Variants in ERBIN observed in about 807,000 individuals in gnomAD.
ERBIN encodes densin-180-like protein.
Under a neutral mutation model 158.4 loss-of-function variants are expected in ERBIN, and 60 were observed. That is an observed-to-expected ratio of 0.38 (90% CI 0.31 to 0.47). The LOEUF is 0.47. Among genes scored for constraint, ERBIN ranks in the 20% least tolerant of loss-of-function variants. The pLI is 0.99. For missense variants in ERBIN, 1,610 were observed against 1,648.0 expected (o/e 0.98, Z 0.40); for synonymous variants, 594 against 557.2 (o/e 1.07, Z -0.93).
intron 1 of ERBIN, among the ~76,000 whole-genome samples, chr5:65,964,970 A>T (rs2548471): frequency 0.81 from 97,103 of 119,490 alleles, 39,247 homozygotes; most frequent in Non-Finnish European, 0.87. Flanking sequence ...TTTTTTTTTT[A>T]AGTAGAGATG....
At chr5:65,982,457 C>CT (rs1189200524) in intron 1 of ERBIN, among the ~76,000 whole-genome samples, 11 of 152,176 alleles carry the variant, frequency 7.2e-5, no homozygotes, top group Non-Finnish European at 1.5e-4. Flanking sequence ...GGAGAATTGT[C>CT]TTTCAACCCA....
intron 7 of ERBIN, among the ~76,000 whole-genome samples, chr5:66,018,475 A>ATATAT (rs1755104975): frequency 2.2e-4 from 1 of 4,566 alleles, no homozygotes; most frequent in African/African-American, 7.1e-4. Context: ...AATATATATT[A>ATATAT]TATATTATAT....
intron 21 of ERBIN, among the ~76,000 whole-genome samples, chr5:66,057,334 T>C (rs1180689885): frequency 6.6e-6 from 1 of 152,164 alleles, no homozygotes; most frequent in African/African-American, 2.4e-5. Flanking sequence ...CTGACACATA[T>C]AACTAACTGC....
In ERBIN at chr5:66,080,066, C is replaced by A. The variant is rs1025681659; in HGVS notation, c.*1536C>A. The A allele has an allele frequency of 5.3e-5, 8 of 152,174 alleles. No individual in the cohort carries two copies. Among genetic ancestry groups the A allele is most frequent in the Non-Finnish European group, 1.2e-4 (8 of 67,980 alleles). The allele number at this position is 152,174 out of a possible 1,614,324, so 9.4% of individuals were successfully genotyped here. A position where few individuals can be genotyped will look rare whatever the true frequency, so the allele number is the denominator to read the frequency against. On this transcript the variant is annotated 3_prime_UTR_variant, in exon 26 of 26. Transcript: ENST00000284037. ...AGAGCAATATTTGGTTATTGCACTT[C>A]ATTTTTATTTACTAAGAAATGCAAT...
intron 20 of ERBIN, among the ~76,000 whole-genome samples, chr5:66,051,661 G>A (rs1255326793): frequency 1.3e-5 from 2 of 152,168 alleles, no homozygotes; most frequent in Non-Finnish European, 2.9e-5. Flanking sequence ...GGAGGCTGCG[G>A]CAGGTGGATG....
At chr5:66,006,019 T>C (rs1314481672) in intron 4 of ERBIN, among the ~76,000 whole-genome samples, 4 of 152,162 alleles carry the variant, frequency 2.6e-5, no homozygotes, top group African/African-American at 9.7e-5. Flanking sequence ...TACCAATGAC[T>C]TTCTTCACAG....
chr5:66,064,328 A>G (rs1031117513), intron 21 of ERBIN, among the ~76,000 whole-genome samples: 4 of 152,230 alleles, frequency 2.6e-5, no homozygotes, highest in Admixed American at 1.3e-4. Flanking sequence ...AAGTATGAAT[A>G]TTAGAAAGTC....
intron 1 of ERBIN, among the ~76,000 whole-genome samples, chr5:65,952,077 G>A (rs1372367697): frequency 2.0e-5 from 3 of 152,180 alleles, no homozygotes; most frequent in Non-Finnish European, 2.9e-5. Flanking sequence ...TGTTCTGTGG[G>A]ATGACTGCCA....
intron 7 of ERBIN, among the ~76,000 whole-genome samples, chr5:66,016,034 T>C (rs761341717): frequency 1.8e-4 from 27 of 152,330 alleles, no homozygotes; most frequent in Middle Eastern, 3.4e-3. Context: ...TGTATGTGCA[T>C]GTGTATCTTC....
chr5:65,983,954 GGTAGA>G (rs1750932473), intron 1 of ERBIN, among the ~76,000 whole-genome samples: 2 of 152,236 alleles, frequency 1.3e-5, no homozygotes, highest in Non-Finnish European at 2.9e-5. Flanking sequence ...GTGCACATGT[GGTAGA>G]TGCCAGTGCA....
At chr5:65,987,543 C>T (rs556463298) in intron 1 of ERBIN, among the ~76,000 whole-genome samples, 1 of 152,132 alleles carries the variant, frequency 6.6e-6, no homozygotes, top group East Asian at 1.9e-4. Context: ...GCCTGGGTGA[C>T]AGAGCAAGAC....
intron 21 of ERBIN, among the ~76,000 whole-genome samples, chr5:66,065,101 G>A (rs1044041549): frequency 6.6e-6 from 1 of 152,144 alleles, no homozygotes; most frequent in Non-Finnish European, 1.5e-5. Flanking sequence ...AGTTGGTTTT[G>A]AATATATTGA....
chr5:65,944,917 C>T (rs747931754), intron 1 of ERBIN, among the ~76,000 whole-genome samples: 2 of 152,042 alleles, frequency 1.3e-5, no homozygotes, highest in African/African-American at 2.4e-5. Context: ...CTCCCATTCT[C>T]TGGGTTTTAT....
At chr5:66,005,110 G>A (rs1039027325) in intron 4 of ERBIN, among the ~76,000 whole-genome samples, 1 of 152,054 alleles carries the variant, frequency 6.6e-6, no homozygotes, top group African/African-American at 2.4e-5. Flanking sequence ...AGGAACTGTG[G>A]GCATGTGGGT....
Position 65,958,410 on chromosome 5 carries a change from G to A in ERBIN, c.-57-30225G>A, listed in dbSNP as rs1353913087. Among the ~76,000 whole-genome samples, 7 of 152,352 alleles carry A rather than the reference G, an allele frequency of 4.6e-5. No homozygotes were observed. The South Asian group carries it at 1.2e-3, about 27-fold the overall frequency. ...GAGGCTGGCAGATCACTCGCGGTTA[G>A]GAGCTGGAGACCAGCCCGGCCAACA... On this transcript the variant is annotated intron_variant, in intron 1 of 25. Transcript: ENST00000284037.
At chr5:65,934,185 C>T (rs775030264) in intron 1 of ERBIN, among the ~76,000 whole-genome samples, 17 of 152,168 alleles carry the variant, frequency 1.1e-4, no homozygotes, top group South Asian at 4.1e-4. Flanking sequence ...CGTGAGCCAC[C>T]GCGCCCAGCC....
chr5:66,012,207 A>T lies in ERBIN; in HGVS notation c.386+80A>T, dbSNP rs539241871. 4 of 940,604 alleles carry T rather than the reference A, an allele frequency of 4.3e-6. No individual in the cohort carries two copies. In the African/African-American group the frequency reaches 6.7e-5, roughly 16 times the overall value. The allele number at this position is 940,604 out of a possible 1,614,324, so 58.3% of individuals were successfully genotyped here. A position where few individuals can be genotyped will look rare whatever the true frequency, so the allele number is the denominator to read the frequency against. On this transcript the variant is annotated intron_variant, in intron 5 of 25. Transcript: ENST00000284037. Reference sequence around the variant, plus strand: ...TAGTAGATATTATTGTACATATTTTAACAAAAATTTTATATCAATCTTAAG... The same window carrying T: ...TAGTAGATATTATTGTACATATTTTTACAAAAATTTTATATCAATCTTAAG...
At chr5:65,939,608 A>G (rs1238245874) in intron 1 of ERBIN, among the ~76,000 whole-genome samples, 1 of 151,596 alleles carries the variant, frequency 6.6e-6, no homozygotes, top group Non-Finnish European at 1.5e-5. Context: ...CCGAAGCTGG[A>G]CTGTACTGCT....
chr5:66,073,816 G>A (rs2151303228), intron 22 of ERBIN, among the ~76,000 whole-genome samples: 1 of 152,114 alleles, frequency 6.6e-6, no homozygotes, highest in East Asian at 1.9e-4. Flanking sequence ...GTTAATAGCT[G>A]AACCATATTT....
Sources: allele counts gnomAD v4.1 joint callset (sites outside exome capture counted in the v4.1 genomes callset), GRCh38; gene constraint gnomAD v4.1.1; transcripts MANE v1.5; gene names NCBI Gene and HGNC (gene_info 2026-07-23, HGNC 2026-07-21).